Variants in OR7E24 observed in about 807,000 individuals in gnomAD.
OR7E24 encodes olfactory receptor 7E24.
For synonymous variants in OR7E24, 130 were observed against 157.5 expected (o/e 0.83, Z 1.31); for missense variants, 385 against 410.3 (o/e 0.94, Z 0.53).
the OR7E24 span, among the ~76,000 whole-genome samples, chr19:9,217,102 T>A: frequency 0.27 from 40,639 of 152,016 alleles, 9,475 homozygotes; most frequent in African/African-American, 0.63. Flanking sequence ...CTGCCCAGTG[T>A]ATTCCTCCAA....
rs747180173 is a variant in OR7E24 at position 9,251,154 on chromosome 19, G to A, written c.111G>A (p.Glu37=). ...AATTCCTCCTCCTGGGACTCTCAGA[G>A]GATCCAGAACTGCAGCCGGTCCTCG... ...VSEFLLLGLS[E]DPELQPVLAG... The change falls in exon 1 of 1, where the codon GAG becomes GAA. Residue 37 remains glutamate, a synonymous_variant. Transcript: ENST00000456448. 9 of 1,613,768 alleles carry A rather than the reference G, an allele frequency of 5.6e-6. No homozygotes were observed. The East Asian group carries it at 1.6e-4, about 28-fold the overall frequency.
chr19:9,249,848 G>C (rs539183931), upstream of OR7E24, among the ~76,000 whole-genome samples: 1 of 152,116 alleles, frequency 6.6e-6, no homozygotes, highest in Admixed American at 6.5e-5. Context: ...CCAGCTACTC[G>C]GGAAGCTGAG....
At chr19:9,240,633 T>C in the OR7E24 span, among the ~76,000 whole-genome samples, 1 of 152,306 alleles carries the variant, frequency 6.6e-6, no homozygotes, top group South Asian at 2.1e-4. Flanking sequence ...ACAGAACATT[T>C]TGATAGAGAA....
chr19:9,218,801 T>C, the OR7E24 span, among the ~76,000 whole-genome samples: 3 of 152,086 alleles, frequency 2.0e-5, no homozygotes, highest in Non-Finnish European at 4.4e-5. Flanking sequence ...GCTTTCTTTT[T>C]TTGTTATTGT....
chr19:9,235,898 A>C, the OR7E24 span: 1 of 1,607,036 alleles, frequency 6.2e-7, no homozygotes, highest in South Asian at 1.1e-5. Flanking sequence ...TCCTTGTTCT[A>C]TGGAACAGGA....
upstream of OR7E24, among the ~76,000 whole-genome samples, chr19:9,248,568 C>A (rs1420211518): frequency 2.0e-5 from 3 of 151,996 alleles, no homozygotes; most frequent in South Asian, 2.1e-4. Flanking sequence ...CCTGGTAGAC[C>A]ACAGCTAGAC....
At chr19:9,225,370 GGAAA>G in the OR7E24 span, among the ~76,000 whole-genome samples, 318 of 56,056 alleles carry the variant, frequency 5.7e-3, no homozygotes, top group African/African-American at 0.11. Context: ...AACTCAAGAA[GGAAA>G]GAAGGAAGGA....
the OR7E24 span, among the ~76,000 whole-genome samples, chr19:9,227,865 T>G: frequency 6.7e-6 from 1 of 148,302 alleles, no homozygotes; most frequent in Non-Finnish European, 1.5e-5. Flanking sequence ...GCCATTCTCC[T>G]GCCTCAGCCT....
chr19:9,218,749 C>G, the OR7E24 span, among the ~76,000 whole-genome samples: 5,193 of 152,174 alleles, frequency 0.034, 276 homozygotes, highest in African/African-American at 0.12. Context: ...CCATCTCAGT[C>G]TCCCGAGTAA....
the OR7E24 span, chr19:9,213,909 G>C: frequency 6.2e-7 from 1 of 1,613,128 alleles, no homozygotes; most frequent in Non-Finnish European, 8.5e-7. Flanking sequence ...TCATGGACAA[G>C]AGTCGGCCCT....
chr19:9,239,081 A>G, the OR7E24 span, among the ~76,000 whole-genome samples: 1 of 152,170 alleles, frequency 6.6e-6, no homozygotes, highest in East Asian at 1.9e-4. Flanking sequence ...AGGAACCTTC[A>G]TACTGTTTTC....
At chr19:9,207,445 C>T in the OR7E24 span, 3 of 152,310 alleles carry the variant, frequency 2.0e-5, no homozygotes, top group African/African-American at 7.2e-5. Context: ...TGTTCCCACT[C>T]ATACCTATGA....
chr19:9,228,035 G>C, the OR7E24 span, among the ~76,000 whole-genome samples: 1 of 152,126 alleles, frequency 6.6e-6, no homozygotes, highest in African/African-American at 2.4e-5. Flanking sequence ...TTACAGGCGT[G>C]AGCCACAGCG....
the OR7E24 span, among the ~76,000 whole-genome samples, chr19:9,240,711 G>A: frequency 1.3e-5 from 2 of 152,048 alleles, no homozygotes; most frequent in Non-Finnish European, 2.9e-5. Context: ...TTTCACTGTT[G>A]TATCTAACAA....
chr19:9,252,249 TTCCAATATACCTAGACA>T lies in OR7E24; in HGVS notation c.*187_*203del. 1.8e-6 allele frequency: 1 copy of T among 551,470 alleles called. No individual in the cohort carries two copies. The allele number at this position is 551,470 out of a possible 1,614,324, so 34.2% of individuals were successfully genotyped here. A position where few individuals can be genotyped will look rare whatever the true frequency, so the allele number is the denominator to read the frequency against. ...TGTTCATCATACACATCATGAATGA[TTCCAATATACCTAGACA>T]GCCTCCTTTAGTATCTGTGCAATGA... On this transcript the variant is annotated 3_prime_UTR_variant, in exon 1 of 1. Transcript: ENST00000456448.
chr19:9,238,636 C>T, the OR7E24 span, among the ~76,000 whole-genome samples: 5 of 152,112 alleles, frequency 3.3e-5, no homozygotes, highest in African/African-American at 1.2e-4. Flanking sequence ...AATCACTTCC[C>T]CTGTCTCACT....
chr19:9,218,272 C>CAT, the OR7E24 span, among the ~76,000 whole-genome samples: 61,851 of 151,818 alleles, frequency 0.41, 15,148 homozygotes, highest in African/African-American at 0.69. Context: ...CAGTAAATAA[C>CAT]ATATTCATAT....
the OR7E24 span, among the ~76,000 whole-genome samples, chr19:9,240,205 C>T: frequency 6.6e-6 from 1 of 152,236 alleles, no homozygotes; most frequent in East Asian, 1.9e-4. Flanking sequence ...TTCTCCCATT[C>T]CATAGGATGT....
At chr19:9,235,916 T>A in the OR7E24 span, 13 of 1,606,780 alleles carry the variant, frequency 8.1e-6, no homozygotes, top group Non-Finnish European at 1.1e-5. Context: ...GGACTTGGGG[T>A]CTATCTCAGT....
Sources: gnomAD v4.1 joint callset for allele counts (sites outside exome capture counted in the v4.1 genomes callset) on GRCh38, gnomAD v4.1.1 for gene constraint, MANE v1.5 for transcripts, NCBI Gene and HGNC (gene_info 2026-07-23, HGNC 2026-07-21) for gene names.